Variants in GHR observed in about 807,000 individuals in gnomAD.
The protein encoded by GHR is growth hormone receptor.
GHR carries 35 observed loss-of-function variants against 67.1 expected under a neutral mutation model. That is an observed-to-expected ratio of 0.52 (90% confidence interval 0.40 to 0.69). The LOEUF is 0.69. Ranked by LOEUF, GHR falls within the 30% of genes least tolerant of loss-of-function variation. The pLI is 0.00. For synonymous variants in GHR, 272 were observed against 269.1 expected, an observed-to-expected ratio of 1.01 and a Z score of -0.10; for missense variants, 792 against 764.6, an observed-to-expected ratio of 1.04 and a Z score of -0.42.
At chr5:42,448,383 C>A (rs1237148927) in intron 1 of GHR, among the ~76,000 whole-genome samples, 1 of 151,804 alleles carries the variant, frequency 6.6e-6, no homozygotes, top group Non-Finnish European at 1.5e-5. Flanking sequence ...GTTGGGCATT[C>A]GTATATCTTC....
At chr5:42,565,551 T>G (rs553349929) in intron 1 of GHR, 248 of 985,420 alleles carry the variant, frequency 2.5e-4, no homozygotes, top group Non-Finnish European at 2.9e-4. Context: ...CTGGCCCTGT[T>G]ACTGAAGCTG....
At chr5:42,466,786 G>T in intron 1 of GHR, 1 of 748,584 alleles carries the variant, frequency 1.3e-6, no homozygotes, top group Non-Finnish European at 2.0e-6. Flanking sequence ...TAAGGACATA[G>T]GCCTCATCTT....
intron 3 of GHR, among the ~76,000 whole-genome samples, chr5:42,685,044 C>T (rs929861034): frequency 1.3e-5 from 2 of 152,018 alleles, no homozygotes. Context: ...GCTGCACCCA[C>T]CAACCCGTCA....
rs1700766753 is a variant in GHR at position 42,466,788 on chromosome 5, C to T, written c.-12+42833C>T. 9.1e-6 allele frequency: 7 copies of T among 769,306 alleles called. No homozygotes were observed. The South Asian group carries it at 1.9e-4, about 21-fold the overall frequency. 47.7% of individuals were successfully genotyped at this position (769,306 alleles called of 1,614,324 possible). ...AAACTGTAACTTTTAAGGACATAGG[C>T]CTCATCTTTATAAAGGAAGAAGAAA... On this transcript the variant is annotated intron_variant, in intron 1 of 9. Transcript: ENST00000230882.
At chr5:42,638,699 A>T (rs1754322942) in intron 3 of GHR, among the ~76,000 whole-genome samples, 1 of 152,182 alleles carries the variant, frequency 6.6e-6, no homozygotes, top group South Asian at 2.1e-4. Flanking sequence ...ATTATACAGC[A>T]CAAGACTATA....
chr5:42,574,914 A>G (rs1412384736), intron 2 of GHR, among the ~76,000 whole-genome samples: 1 of 152,194 alleles, frequency 6.6e-6, no homozygotes, highest in African/African-American at 2.4e-5. Context: ...TTCCAGGCTA[A>G]AATGAGGAGA....
intron 1 of GHR, among the ~76,000 whole-genome samples, chr5:42,508,121 A>G (rs1746855139): frequency 6.6e-6 from 1 of 152,182 alleles, no homozygotes; most frequent in Admixed American, 6.5e-5. Context: ...ATTTTCTGAT[A>G]CTTTCTTCCA....
intron 1 of GHR, among the ~76,000 whole-genome samples, chr5:42,474,253 C>CAGAA (rs756789779): frequency 3.9e-4 from 20 of 50,638 alleles, no homozygotes; most frequent in African/African-American, 1.3e-3. Flanking sequence ...GAGAGAAAGA[C>CAGAA]AGACAGAAAG....
In GHR at chr5:42,718,706, A is replaced by C. The variant is rs1195123458; in HGVS notation, c.1199A>C (p.Asn400Thr). Reference sequence around the variant, plus strand: ...CCTGACATTCTGGAGACTGATTTCAATGCCAATGACATACATGAGGGTACC... The same window carrying C: ...CCTGACATTCTGGAGACTGATTTCACTGCCAATGACATACATGAGGGTACC... ...CEPDILETDF[N>T]ANDIHEGTSE... Residue 400 changes from asparagine to threonine, a missense_variant, in exon 10 of 10, where the codon AAT becomes ACT. Coordinates refer to ENST00000230882, the MANE Select transcript of GHR (RefSeq NM_000163.5). 1.2e-6 allele frequency: 2 copies of C among 1,614,134 alleles called. No individual in the cohort carries two copies. The highest frequency in any genetic ancestry group is 1.7e-6 in the Non-Finnish European group (2 of 1,180,058).
intron 1 of GHR, among the ~76,000 whole-genome samples, chr5:42,454,454 A>T (rs1248179361): frequency 1.3e-5 from 2 of 152,174 alleles, no homozygotes. Flanking sequence ...TTCGGCTGCC[A>T]AGGCAGATAG....
rs115578353 is a variant in GHR, at chr5:42,609,043, T to G, written c.71-19995T>G. Among the ~76,000 whole-genome samples, 660 of 152,188 alleles carry G rather than the reference T, an allele frequency of 4.3e-3. 4 individuals carry two copies. Among genetic ancestry groups the G allele is most frequent in the African/African-American group, 0.015 (638 of 41,540 alleles). On this transcript the variant is annotated intron_variant, in intron 2 of 9. Coordinates refer to ENST00000230882, the MANE Select transcript of GHR (RefSeq NM_000163.5). Reference sequence around the variant, plus strand: ...AAGAAAGGGATGGCATATGCAAAAATGATGTAACCAGGAAGAATGCAATAA... The same window carrying G: ...AAGAAAGGGATGGCATATGCAAAAAGGATGTAACCAGGAAGAATGCAATAA...
chr5:42,460,717 C>T (rs1157934953), intron 1 of GHR, among the ~76,000 whole-genome samples: 3 of 152,000 alleles, frequency 2.0e-5, no homozygotes, highest in Non-Finnish European at 4.4e-5. Flanking sequence ...AGAGTGTTTC[C>T]TAATAGTTAA....
At chr5:42,619,215 T>C (rs935933075) in intron 2 of GHR, among the ~76,000 whole-genome samples, 1 of 151,964 alleles carries the variant, frequency 6.6e-6, no homozygotes, top group African/African-American at 2.4e-5. Context: ...TGGTGAACAG[T>C]TCATAAGTTT....
chr5:42,707,472 G>GT (rs1366897712), intron 6 of GHR, among the ~76,000 whole-genome samples: 1 of 151,754 alleles, frequency 6.6e-6, no homozygotes, highest in Non-Finnish European at 1.5e-5. Context: ...TTTTACAATT[G>GT]TTTTTTCTAA....
At chr5:42,533,278 C>T (rs1748062020) in intron 1 of GHR, among the ~76,000 whole-genome samples, 1 of 151,944 alleles carries the variant, frequency 6.6e-6, no homozygotes, top group Non-Finnish European at 1.5e-5. Context: ...CTTTTCTTCT[C>T]TTTATTAATT....
intron 1 of GHR, among the ~76,000 whole-genome samples, chr5:42,557,444 T>C (rs1428581162): frequency 6.6e-6 from 1 of 152,216 alleles, no homozygotes; most frequent in Non-Finnish European, 1.5e-5. Context: ...ATAAATAGTC[T>C]ATTTGTTACT....
At chr5:42,456,461 A>G (rs1224210436) in intron 1 of GHR, among the ~76,000 whole-genome samples, 1 of 152,212 alleles carries the variant, frequency 6.6e-6, no homozygotes, top group Non-Finnish European at 1.5e-5. Context: ...ATAAATCTAT[A>G]GGTTAGTTTT....
intron 3 of GHR, among the ~76,000 whole-genome samples, chr5:42,660,677 A>T (rs1755546332): frequency 6.6e-6 from 1 of 152,166 alleles, no homozygotes; most frequent in Admixed American, 6.5e-5. Context: ...AGAGCAGAAA[A>T]ACTGGAAACT....
chr5:42,602,142 T>G (rs1554024840), intron 2 of GHR, among the ~76,000 whole-genome samples: 1 of 152,212 alleles, frequency 6.6e-6, no homozygotes, highest in Non-Finnish European at 1.5e-5. Flanking sequence ...ACTCATCTCC[T>G]ACATAGTTAT....
Sources: gnomAD v4.1 joint callset for allele counts (sites outside exome capture counted in the v4.1 genomes callset) on GRCh38, gnomAD v4.1.1 for gene constraint, MANE v1.5 for transcripts, NCBI Gene and HGNC (gene_info 2026-07-23, HGNC 2026-07-21) for gene names.